PCDHA3: variants seen among roughly 807,000 people sequenced by gnomAD.
The protein encoded by PCDHA3 is protocadherin alpha 3, also known as protocadherin alpha-3.
PCDHA3 carries 41 observed loss-of-function variants against 62.2 expected under a neutral mutation model. That is an observed-to-expected ratio of 0.66 (90% CI 0.51 to 0.86). The LOEUF is 0.86. Ranked by LOEUF, PCDHA3 falls within the 40% of genes least tolerant of loss-of-function variation. The probability of loss-of-function intolerance (pLI) is 0.00; values close to 1 mark genes in which losing one functional copy is unlikely to be tolerated. For synonymous variants in PCDHA3, 640 were observed against 555.4 expected (o/e 1.15, Z -2.14); for missense variants, 1,304 against 1,241.2 (o/e 1.05, Z -0.76).
Position 141,009,998 on chromosome 5 carries a change from T to A in PCDHA3, c.*61T>A. On this transcript the variant is annotated 3_prime_UTR_variant, in exon 4 of 4. Transcript: ENST00000522353. ...TTGTAATAATGGCAAATCTCTCCCA[T>A]GTAGCAATTCCCTGCTCCTTTTTCC... 1 of 1,575,994 alleles carries A rather than the reference T, an allele frequency of 6.3e-7. No individual in the cohort carries two copies. Among genetic ancestry groups the A allele is most frequent in the Non-Finnish European group, 8.6e-7 (1 of 1,164,944 alleles).
intron 1 of PCDHA3, among the ~76,000 whole-genome samples, chr5:140,879,820 T>C (rs917285977): frequency 6.6e-6 from 1 of 152,232 alleles, no homozygotes; most frequent in Non-Finnish European, 1.5e-5. Flanking sequence ...CTGTTGGTGT[T>C]CCCTGGCTTG....
intron 1 of PCDHA3, chr5:140,841,294 A>G (rs2150312658): frequency 8.3e-6 from 13 of 1,563,188 alleles, no homozygotes; most frequent in African/African-American, 1.4e-5. Context: ...TTAAGATAAT[A>G]TTTTCTGATA....
rs1314619067 is a variant in PCDHA3 at position 140,835,422 on chromosome 5, G to A, written c.2394+31831G>A. On this transcript the variant is annotated intron_variant, in intron 1 of 3. Transcript: ENST00000522353. The stretch of plus-strand genomic sequence containing the variant: ...GGAAGTTGTGGATGTAAATGACAAT[G>A]CTCCACAGTTGACTCTCACTTCCCT... 1.4e-5 allele frequency: 23 copies of A among 1,613,834 alleles called. No individual in the cohort carries two copies. The highest frequency in any genetic ancestry group is 1.9e-5 in the Non-Finnish European group (22 of 1,179,890).
intron 1 of PCDHA3, chr5:140,848,633 C>T (rs1554142316): frequency 1.9e-6 from 3 of 1,593,314 alleles, no homozygotes; most frequent in Non-Finnish European, 2.6e-6. Context: ...CCTTCGTGGG[C>T]CGCATCGCGC....
At chr5:140,852,787 T>G in intron 1 of PCDHA3, 1 of 977,880 alleles carries the variant, frequency 1.0e-6, no homozygotes, top group Non-Finnish European at 1.2e-6. Context: ...AATAGAGGGA[T>G]GCTACAGATG....
At chr5:140,947,341 A>C (rs1159995588) in intron 1 of PCDHA3, among the ~76,000 whole-genome samples, 1 of 151,806 alleles carries the variant, frequency 6.6e-6, no homozygotes, top group East Asian at 1.9e-4. Context: ...TGTGGGCTTA[A>C]TTCTGGACTC....
chr5:140,967,368 A>G (rs2096133589), intron 1 of PCDHA3: 1 of 1,607,738 alleles, frequency 6.2e-7, no homozygotes, highest in Non-Finnish European at 8.5e-7. Flanking sequence ...AAGCCCCTGC[A>G]GGAGAACAGT....
chr5:140,898,673 G>A (rs1378652105), intron 1 of PCDHA3, among the ~76,000 whole-genome samples: 1 of 152,170 alleles, frequency 6.6e-6, no homozygotes, highest in Non-Finnish European at 1.5e-5. Flanking sequence ...GGTGTTGCGG[G>A]CTGTTTTTTG....
In PCDHA3 at chr5:140,855,887, C is replaced by T. The variant is rs2043661726; in HGVS notation, c.2394+52296C>T. 3.0e-6 allele frequency: 3 copies of T among 985,500 alleles called. No individual in the cohort carries two copies. The African/African-American group carries it at 4.9e-5, about 16-fold the overall frequency. The allele number at this position is 985,500 out of a possible 1,614,324, so 61.0% of individuals were successfully genotyped here. A position where few individuals can be genotyped will look rare whatever the true frequency, so the allele number is the denominator to read the frequency against. ...TCGTCCACAAAATAGCTTTTTAGAA[C>T]AAAGGCATCAGCCAGTTTCTCAAGG... On this transcript the variant is annotated intron_variant, in intron 1 of 3. Transcript: ENST00000522353.
chr5:140,927,970 G>A (rs1554205315), intron 1 of PCDHA3: 1 of 1,614,216 alleles, frequency 6.2e-7, no homozygotes, highest in East Asian at 2.2e-5. Context: ...CACAGTGATT[G>A]CTCTCTTTAG....
intron 1 of PCDHA3, among the ~76,000 whole-genome samples, chr5:140,891,210 G>A (rs2062986388): frequency 1.3e-5 from 2 of 152,180 alleles, no homozygotes; most frequent in South Asian, 4.1e-4. Context: ...TTACCATGCT[G>A]TGTCTTTATA....
At chr5:140,823,716 G>T (rs2150128476) in intron 1 of PCDHA3, 2 of 1,613,960 alleles carry the variant, frequency 1.2e-6, no homozygotes, top group Admixed American at 3.3e-5. Flanking sequence ...ACCGCCTTCT[G>T]GTGCTGGTGA....
chr5:140,850,812 A>C, intron 1 of PCDHA3: 1 of 1,598,316 alleles, frequency 6.3e-7, no homozygotes, highest in Non-Finnish European at 8.6e-7. Flanking sequence ...CATGGCCTTC[A>C]GCCCGGGCCT....
intron 1 of PCDHA3, chr5:140,843,461 A>C (rs1476836171): frequency 1.3e-6 from 2 of 1,595,756 alleles, no homozygotes; most frequent in African/African-American, 2.7e-5. Flanking sequence ...GCTGGTGCTC[A>C]CGCTGCTGCT....
intron 1 of PCDHA3, among the ~76,000 whole-genome samples, chr5:140,935,422 A>G (rs2090365671): frequency 6.6e-6 from 1 of 152,228 alleles, no homozygotes; most frequent in South Asian, 2.1e-4. Context: ...TTAGAAAACA[A>G]TTTCAGCACT....
At position 140,882,068 on chromosome 5, in the gene PCDHA3, C is replaced by A. The variant is rs1219461637; in HGVS notation, c.2394+78477C>A. 8.4e-6 allele frequency: 7 copies of A among 837,710 alleles called. No homozygotes were observed. The East Asian group carries it at 1.9e-4, about 22-fold the overall frequency. The allele number at this position is 837,710 out of a possible 1,614,324, so 51.9% of individuals were successfully genotyped here. On this transcript the variant is annotated intron_variant, in intron 1 of 3. Coordinates refer to ENST00000522353, the MANE Select transcript of PCDHA3 (RefSeq NM_018906.3). ...TCATACTTACACTTACACGTTCATG[C>A]GCATGGTGTCGCTCTTCACTGAGAA...
intron 1 of PCDHA3, among the ~76,000 whole-genome samples, chr5:140,839,743 T>C (rs2150300619): frequency 0.58 from 88,357 of 151,822 alleles, 26,802 homozygotes; most frequent in African/African-American, 0.73. Flanking sequence ...TACCCTTATT[T>C]GCCTTTCCTA....
intron 2 of PCDHA3, among the ~76,000 whole-genome samples, chr5:140,979,725 G>A (rs2096861699): frequency 6.6e-6 from 1 of 152,136 alleles, no homozygotes; most frequent in South Asian, 2.1e-4. Context: ...CCATGCCATG[G>A]GGCCAAATAA....
intron 1 of PCDHA3, among the ~76,000 whole-genome samples, chr5:140,819,677 T>C (rs2150104870): frequency 6.6e-6 from 1 of 152,220 alleles, no homozygotes; most frequent in South Asian, 2.1e-4. Context: ...TTGATCACTG[T>C]AGCACAAATG....
Sources: allele counts gnomAD v4.1 joint callset (sites outside exome capture counted in the v4.1 genomes callset), GRCh38; gene constraint gnomAD v4.1.1; transcripts MANE v1.5; gene names NCBI Gene and HGNC (gene_info 2026-07-23, HGNC 2026-07-21).